Variants in LIFR observed in about 807,000 individuals in gnomAD.
LIFR encodes the protein leukemia inhibitory factor receptor.
A neutral mutation model predicts 122.2 loss-of-function variants in LIFR; 84 were observed. The ratio of observed to expected loss-of-function variants is 0.69; its 90% CI spans 0.58 to 0.82. The LOEUF (loss-of-function observed/expected upper bound fraction) is 0.82. Among genes scored for constraint, LIFR ranks in the 40% least tolerant of loss-of-function variants. The pLI is 0.00. For synonymous variants in LIFR, 422 were observed against 434.7 expected (o/e 0.97, Z 0.36); for missense variants, 1,294 against 1,311.6 (o/e 0.99, Z 0.21).
At position 38,489,216 on chromosome 5, in the gene LIFR, C is replaced by T; in HGVS notation, c.2197G>A (p.Glu733Lys). Residue 733 changes from glutamate to lysine, a missense_variant, in exon 16 of 20, where the codon GAG (glutamate) becomes AAG (lysine). Coordinates refer to ENST00000453190, the MANE Select transcript of LIFR (RefSeq NM_001127671.2). Reference protein sequence around the residue: ...APIVAPNFTVEDTSADSILVK... With the variant: ...APIVAPNFTVKDTSADSILVK... ...AATATCGAATCTGCAGAAGTATCCT[C>T]AACAGTAAAATTTGGTGCAACAATG... 1.2e-6 allele frequency: 2 copies of T among 1,613,068 alleles called. No individual in the cohort carries two copies. The highest frequency in any genetic ancestry group is 1.1e-5 in the South Asian group (1 of 91,066).
At position 38,476,522 on chromosome 5, in the gene LIFR, C is replaced by CTT. The variant is rs34579169; in HGVS notation, c.*5071_*5072dup. On this transcript the variant is annotated 3_prime_UTR_variant, in exon 20 of 20. Coordinates refer to ENST00000453190, the MANE Select transcript of LIFR (RefSeq NM_001127671.2). ...CAACACATAGGATCTATGTTGTTAG[C>CTT]TTTTTTTTTTTTAAAGTTCTGATTG... is the stretch of plus-strand genomic sequence containing the variant. The CTT allele has an allele frequency of 1.7e-3, 326 of 189,262 alleles. No individual in the cohort carries two copies. Among genetic ancestry groups the CTT allele is most frequent in the Middle Eastern group, 5.5e-3 (3 of 542 alleles). 11.7% of individuals were successfully genotyped at this position (189,262 alleles called of 1,614,324 possible).
intron 5 of LIFR, among the ~76,000 whole-genome samples, chr5:38,514,444 A>G (rs2112508459): frequency 6.6e-6 from 1 of 152,370 alleles, no homozygotes; most frequent in South Asian, 2.1e-4. Context: ...AGTGCAGAAT[A>G]GACATTTTCA....
In LIFR at chr5:38,482,646, A is replaced by G; in HGVS notation, c.2613T>C (p.Pro871=). Residue 871 remains proline, a synonymous_variant, in exon 19 of 20, where the codon CCT becomes CCC. Transcript: ENST00000453190. Reference sequence around the variant, plus strand: ...TACAGTTTTCTGGATTTGGAATATCAGGGTAGAAGGTTTCTTTAATCCTTT... The same window carrying G: ...TACAGTTTTCTGGATTTGGAATATCGGGGTAGAAGGTTTCTTTAATCCTTT... ...KREWIKETFY[P]DIPNPENCKA... The G allele has an allele frequency of 6.8e-7, 1 of 1,465,846 alleles. No individual in the cohort carries two copies. Among genetic ancestry groups the G allele is most frequent in the Non-Finnish European group, 9.3e-7 (1 of 1,074,678 alleles). The allele number at this position is 1,465,846 out of a possible 1,614,324, so 90.8% of individuals were successfully genotyped here.
chr5:38,544,775 G>C (rs1395279643), intron 1 of LIFR, among the ~76,000 whole-genome samples: 2 of 152,336 alleles, frequency 1.3e-5, no homozygotes, highest in Admixed American at 6.5e-5. Context: ...TGAGAGTTCA[G>C]CATAGGTGGG....
At chr5:38,503,489 T>C (rs1176622641) in intron 10 of LIFR, among the ~76,000 whole-genome samples, 3 of 152,194 alleles carry the variant, frequency 2.0e-5, no homozygotes, top group East Asian at 3.8e-4. Context: ...AAATGAATAG[T>C]TAAGTACACC....
At chr5:38,496,308 A>G (rs1303278740) in intron 13 of LIFR, 74 bp downstream of exon 13, 8 of 1,218,122 alleles carry the variant, frequency 6.6e-6, no homozygotes, top group Non-Finnish European at 8.5e-6. Flanking sequence ...TGACATGACA[A>G]AAGAGCAAGT....
intron 14 of LIFR, 131 bp downstream of exon 14, chr5:38,493,475 C>T: frequency 1.2e-6 from 1 of 805,046 alleles, no homozygotes; most frequent in Non-Finnish European, 2.1e-6. Context: ...CCACAACTAC[C>T]CTCCCAGGAA....
chr5:38,604,452 A>G (rs1750283433), intron 2 of LIFR, among the ~76,000 whole-genome samples: 4 of 152,188 alleles, frequency 2.6e-5, no homozygotes. Flanking sequence ...CACACCTGTA[A>G]TCCCAACATT....
At chr5:38,595,729 T>G (rs1249493940), upstream of LIFR, among the ~76,000 whole-genome samples, 3 of 54,920 alleles carry the variant, frequency 5.5e-5, no homozygotes, top group African/African-American at 2.1e-4. Context: ...CAATAGGTCT[T>G]TTTTTTTTTT....
At chr5:38,570,254 T>C (rs998651269) in intron 1 of LIFR, among the ~76,000 whole-genome samples, 1 of 152,192 alleles carries the variant, frequency 6.6e-6, no homozygotes, top group African/African-American at 2.4e-5. Context: ...AATAAGTACA[T>C]GTAAGTGTTG....
intron 16 of LIFR, among the ~76,000 whole-genome samples, chr5:38,487,665 T>C (rs1269620598): frequency 6.6e-6 from 1 of 152,204 alleles, no homozygotes; most frequent in African/African-American, 2.4e-5. Context: ...AAGTATCTTA[T>C]TGTACTGAAC....
At chr5:38,492,176 T>C (rs1580016096) in intron 14 of LIFR, among the ~76,000 whole-genome samples, 1 of 152,226 alleles carries the variant, frequency 6.6e-6, no homozygotes, top group Non-Finnish European at 1.5e-5. Context: ...CTGGGTTCTA[T>C]CACATACTAA....
chr5:38,491,437 A>G (rs2112405679), intron 14 of LIFR, among the ~76,000 whole-genome samples: 1 of 152,382 alleles, frequency 6.6e-6, no homozygotes, highest in African/African-American at 2.4e-5. Context: ...GAGTCTAAAA[A>G]GATCAGAAAC....
At chr5:38,553,158 G>A (rs909114624) in intron 1 of LIFR, among the ~76,000 whole-genome samples, 1 of 152,114 alleles carries the variant, frequency 6.6e-6, no homozygotes, top group Non-Finnish European at 1.5e-5. Context: ...GCTCAGTCCT[G>A]CTCCAGGGCC....
intron 7 of LIFR, among the ~76,000 whole-genome samples, chr5:38,509,553 C>G (rs1034647153): frequency 6.6e-6 from 1 of 152,046 alleles, no homozygotes; most frequent in Non-Finnish European, 1.5e-5. Flanking sequence ...TAGACCACAG[C>G]TGAGAATCAT....
intron 1 of LIFR, among the ~76,000 whole-genome samples, chr5:38,573,535 G>A (rs1217199951): frequency 6.6e-6 from 1 of 152,134 alleles, no homozygotes; most frequent in Non-Finnish European, 1.5e-5. Context: ...CTTAATATCA[G>A]AGCAAATGAA....
chr5:38,489,518 C>A (rs965658850), intron 15 of LIFR, among the ~76,000 whole-genome samples: 1 of 152,168 alleles, frequency 6.6e-6, no homozygotes, highest in African/African-American at 2.4e-5. Context: ...TATGCAAAAT[C>A]TTTCAGTGGC....
intron 5 of LIFR, among the ~76,000 whole-genome samples, chr5:38,519,825 A>G (rs1166103044): frequency 2.0e-5 from 3 of 152,236 alleles, no homozygotes; most frequent in Non-Finnish European, 4.4e-5. Context: ...ATGGCCAAAC[A>G]GAATTCCATT....
At chr5:38,521,248 C>T (rs143217152) in intron 5 of LIFR, among the ~76,000 whole-genome samples, 14 of 152,198 alleles carry the variant, frequency 9.2e-5, no homozygotes, top group African/African-American at 3.4e-4. Context: ...CATATAGAAA[C>T]ACTTCTCATT....
Sources: allele counts gnomAD v4.1 joint callset (sites outside exome capture counted in the v4.1 genomes callset), GRCh38; gene constraint gnomAD v4.1.1; transcripts MANE v1.5; gene names NCBI Gene and HGNC (gene_info 2026-07-23, HGNC 2026-07-21).